NUP188: variants seen among roughly 807,000 people sequenced by gnomAD.
NUP188 encodes nucleoporin 188.
A neutral mutation model predicts 223.0 loss-of-function variants in NUP188; 97 were observed. That is an observed-to-expected ratio of 0.43 (90% CI 0.37 to 0.51). The LOEUF (loss-of-function observed/expected upper bound fraction) is 0.51. Among genes scored for constraint, NUP188 ranks in the 20% least tolerant of loss-of-function variants. The probability of loss-of-function intolerance (pLI) is 0.00; values close to 1 mark genes in which losing one functional copy is unlikely to be tolerated. For synonymous variants in NUP188, 869 were observed against 828.0 expected (o/e 1.05, Z -0.85); for missense variants, 1,947 against 2,175.6 (o/e 0.89, Z 2.09).
At position 128,966,128 on chromosome 9, in the gene NUP188, CGTGTGTGTGTGTGT is replaced by C. The variant is rs34851120; in HGVS notation, c.586-2350_586-2337del. Among the ~76,000 whole-genome samples the C allele has an allele frequency of 9.7e-4, 133 of 136,862 alleles. 2 individuals carry two copies. In the South Asian group the frequency reaches 0.02, roughly 20 times the overall value. 89.8% of individuals were successfully genotyped at this position (136,862 alleles called of 152,430 possible). ...TTTTTTTAAAATAGATTTCTGCCTC[CGTGTGTGTGTGTGT>C]GTGTGTGTGTGTGTGTGTGTGTGTG... On this transcript the variant is annotated intron_variant, in intron 8 of 43. Transcript: ENST00000372577.
In NUP188 at chr9:128,982,885, G is replaced by T. The variant is rs1564559467; in HGVS notation, c.1670-17G>T. 9 of 1,614,014 alleles carry T rather than the reference G, an allele frequency of 5.6e-6. No homozygotes were observed. The highest frequency in any genetic ancestry group is 5.9e-6 in the Non-Finnish European group (7 of 1,179,962). On this transcript the variant is annotated splice_polypyrimidine_tract_variant and intron_variant, in intron 16 of 43. Transcript: ENST00000372577. ...GGGGTTGTTTGCCGTGAGGTCACAG[G>T]CTGTCTTTCTTCTCAGATGTGATTC...
At position 128,966,516 on chromosome 9, in the gene NUP188, A is replaced by T. The variant is rs117930501; in HGVS notation, c.586-1990A>T. Among the ~76,000 whole-genome samples the T allele has an allele frequency of 2.4e-3, 371 of 151,976 alleles. 7 individuals are homozygous for T. The East Asian group carries it at 0.042, about 17-fold the overall frequency. ...CTCAGCCTCCCAACTAGCTAGGACTACAAGATGCTGCAGGTTTTGCCATGT... is the reference window on the plus strand; with the variant it reads ...CTCAGCCTCCCAACTAGCTAGGACTTCAAGATGCTGCAGGTTTTGCCATGT... On this transcript the variant is annotated intron_variant, in intron 8 of 43. Coordinates refer to ENST00000372577, the MANE Select transcript of NUP188 (RefSeq NM_015354.3).
intron 29 of NUP188, 164 bp downstream of exon 29, chr9:128,995,087 G>A (rs577355332): frequency 3.2e-5 from 21 of 648,476 alleles, no homozygotes; most frequent in Non-Finnish European, 5.7e-5. Context: ...TCCACCGATG[G>A]CATTTATGAT....
chr9:129,004,622 A>C (rs1427282915), intron 38 of NUP188: 2 of 154,448 alleles, frequency 1.3e-5, no homozygotes, highest in Non-Finnish European at 2.9e-5. Context: ...CTCCTGCCTC[A>C]GCCTCCCGAG....
At chr9:128,985,068 C>T in intron 20 of NUP188, 54 bp downstream of exon 20, 1 of 1,263,232 alleles carries the variant, frequency 7.9e-7, no homozygotes, top group East Asian at 2.3e-5. Context: ...CCAGTCTTGT[C>T]AGATGACTCT....
rs764926110 is a variant in NUP188, at chr9:128,988,101, G to A, written c.2448G>A (p.Leu816=). 4.3e-6 allele frequency: 7 copies of A among 1,614,200 alleles called. No homozygotes were observed. Among genetic ancestry groups the A allele is most frequent in the Non-Finnish European group, 5.9e-6 (7 of 1,180,014 alleles). The change falls in exon 24 of 44, where the codon CTG becomes CTA. Residue 816 remains leucine, a synonymous_variant. Transcript: ENST00000372577. ...AGCTGCTGATCAAGACAGTGAAACT[G>A]GCATTCTCCGTCACCAACAATGTTA... The part of the protein sequence containing the change: ...QGQLLIKTVK[L]AFSVTNNVIR...
In NUP188 at chr9:128,964,203, GTGTC is replaced by G. The variant is rs763883867; in HGVS notation, c.586-4299_586-4296del. ...ATTTACTTACACCTTCTTCAGTCAA[GTGTC>G]TGTTCACATTTTTATCCCATTGTTT... On this transcript the variant is annotated intron_variant, in intron 8 of 43. Transcript: ENST00000372577. 1,015 of 324,730 alleles carry G rather than the reference GTGTC, an allele frequency of 3.1e-3. 8 individuals are homozygous for G. Among genetic ancestry groups the G allele is most frequent in the Non-Finnish European group, 3.0e-3 (500 of 166,418 alleles). The allele number at this position is 324,730 out of a possible 1,614,324, so 20.1% of individuals were successfully genotyped here. A position where few individuals can be genotyped will look rare whatever the true frequency, so the allele number is the denominator to read the frequency against.
In NUP188 at chr9:128,993,347, G is replaced by A. The variant is rs1406885915; in HGVS notation, c.2791G>A (p.Gly931Ser). 5.0e-6 allele frequency: 8 copies of A among 1,614,066 alleles called. No homozygotes were observed. The highest frequency in any genetic ancestry group is 6.8e-6 in the Non-Finnish European group (8 of 1,180,036). The change falls in exon 26 of 44, where the codon GGC becomes AGC. Residue 931 changes from glycine (G) to serine (S), a missense_variant. By Grantham distance (56) the Gly-to-Ser change is moderately conservative. This residue lies in a region of NUP188 where 225 missense variants were observed against 319.1 expected (regional missense o/e 0.71). Coordinates refer to ENST00000372577, the MANE Select transcript of NUP188 (RefSeq NM_015354.3). ...CACTGTTGCAGTAGAGACCCAGCCA[G>A]GCCTCATCGAACTGTTTCTGAACCT... ...FLTVAVETQP[G>S]LIELFLNLEV...
chr9:128,980,462 GAA>G, intron 13 of NUP188, 142 bp from the exon 14 acceptor site: 1 of 785,662 alleles, frequency 1.3e-6, no homozygotes, highest in South Asian at 2.3e-5. Context: ...GTGGAAATAT[GAA>G]AGTCTTAAAT....
rs767237695 is a variant in NUP188, at chr9:128,999,256, G to A, written c.3600G>A (p.Glu1200=). 12 of 1,614,194 alleles carry A rather than the reference G, an allele frequency of 7.4e-6. No homozygotes were observed. In the South Asian group the frequency reaches 1.1e-4, roughly 15 times the overall value. The part of the protein sequence containing the change: ...GVLQADQQLM[E]KTKAKVFSAF... ...TGCAGGCCGACCAGCAACTCATGGA[G>A]AAGACCAAGGCCAAGGTGTTCTCAG... Residue 1200 remains glutamate (E), a synonymous_variant, in exon 33 of 44, where the codon GAG becomes GAA. Transcript: ENST00000372577.
At chr9:128,964,039 C>T (rs899210018) in intron 8 of NUP188, among the ~76,000 whole-genome samples, 2 of 152,032 alleles carry the variant, frequency 1.3e-5, no homozygotes, top group Non-Finnish European at 2.9e-5. Context: ...TGGTCTCAAT[C>T]TCCTGACCTT....
intron 8 of NUP188, among the ~76,000 whole-genome samples, chr9:128,961,743 T>A (rs1841958263): frequency 6.7e-6 from 1 of 149,362 alleles, no homozygotes. Context: ...TGCCTCAGCT[T>A]CCTGAGTAGC....
chr9:128,984,941 T>G lies in NUP188; in HGVS notation c.2003T>G (p.Met668Arg). 2 of 1,614,028 alleles carry G rather than the reference T, an allele frequency of 1.2e-6. No homozygotes were observed. The highest frequency in any genetic ancestry group is 1.7e-6 in the Non-Finnish European group (2 of 1,179,956). The change falls in exon 20 of 44, where the codon ATG (methionine) becomes AGG (arginine). Residue 668 changes from methionine to arginine, a missense_variant. Transcript: ENST00000372577. ...GCTGGAGGGTACGGAAACCTCTTGA[T>G]GAACAGTGAACAGCCTCAGGGCGAG... ...MNAGGYGNLL[M>R]NSEQPQGEYG...
chr9:128,954,587 T>C (rs1276769964), intron 3 of NUP188, among the ~76,000 whole-genome samples: 1 of 151,876 alleles, frequency 6.6e-6, no homozygotes, highest in African/African-American at 2.4e-5. Context: ...GGTTTCACTG[T>C]GTTCGCCAGG....
In NUP188 at chr9:128,970,794, C is replaced by T; in HGVS notation, c.949C>T (p.Pro317Ser). Residue 317 changes from proline to serine, a missense_variant, in exon 11 of 44, where the codon CCA becomes TCA. Coordinates refer to ENST00000372577, the MANE Select transcript of NUP188 (RefSeq NM_015354.3). ...DCLMLTFGDI[P>S]HHAPVLLAWA... ...TTTAATGTTGACCTTTGGGGACATT[C>T]CACATCATGCCCCAGTGCTTTTGGC... 6.2e-7 allele frequency: 1 copy of T among 1,614,170 alleles called. No homozygotes were observed.
At chr9:128,961,379 G>T (rs1841948697) in intron 8 of NUP188, among the ~76,000 whole-genome samples, 1 of 151,322 alleles carries the variant, frequency 6.6e-6, no homozygotes, top group African/African-American at 2.4e-5. Flanking sequence ...GAGCGTGGTG[G>T]CACGTGCCTG....
intron 2 of NUP188, among the ~76,000 whole-genome samples, chr9:128,951,670 T>A (rs542681803): frequency 6.6e-6 from 1 of 152,170 alleles, no homozygotes; most frequent in Non-Finnish European, 1.5e-5. Flanking sequence ...TATGTTATAA[T>A]GTTAAGCAAA....
At chr9:128,999,494 C>T in intron 33 of NUP188, 130 bp from the exon 34 acceptor site, 1 of 1,177,800 alleles carries the variant, frequency 8.5e-7, no homozygotes, top group Non-Finnish European at 1.2e-6. Flanking sequence ...TCCCTCCTCT[C>T]CCACTGGACA....
chr9:128,980,462 G>GA, intron 13 of NUP188, 144 bp from the exon 14 acceptor site: 5 of 785,662 alleles, frequency 6.4e-6, no homozygotes, highest in Non-Finnish European at 9.8e-6. Context: ...GTGGAAATAT[G>GA]AAAGTCTTAA....
Sources: gnomAD v4.1 joint callset for allele counts (sites outside exome capture counted in the v4.1 genomes callset) on GRCh38, gnomAD v4.1.1 for gene constraint, gnomAD v4.1.1 regional missense constraint, MANE v1.5 for transcripts, NCBI Gene and HGNC (gene_info 2026-07-23, HGNC 2026-07-21) for gene names.